Variants in TFEC observed in about 807,000 individuals in gnomAD.
TFEC encodes class E basic helix-loop-helix protein 34.
In TFEC, 31 loss-of-function variants were observed where a neutral mutation model predicts 41.6. That is an observed-to-expected ratio of 0.74 (90% CI 0.56 to 1.01). TFEC has a LOEUF of 1.01. Ranked by LOEUF, TFEC falls within the 50% of genes least tolerant of loss-of-function variation. TFEC has a pLI of 0.00. For synonymous variants in TFEC, 143 were observed against 140.6 expected (o/e 1.02, Z -0.12); for missense variants, 402 against 404.1 (o/e 0.99, Z 0.04).
intron 2 of TFEC, among the ~76,000 whole-genome samples, chr7:115,983,951 T>G (rs1426293588): frequency 6.6e-6 from 1 of 152,134 alleles, no homozygotes; most frequent in Non-Finnish European, 1.5e-5. Context: ...CTGATAAATA[T>G]TTCAACTAAA....
chr7:116,101,350 A>G (rs1193892519), intron 3 of TFEC, among the ~76,000 whole-genome samples: 1 of 152,186 alleles, frequency 6.6e-6, no homozygotes, highest in African/African-American at 2.4e-5. Context: ...AGAGAATCAA[A>G]GAAAGCAAGA....
chr7:116,014,265 T>A (rs148633578), intron 1 of TFEC, among the ~76,000 whole-genome samples: 125 of 152,260 alleles, frequency 8.2e-4, no homozygotes, highest in Non-Finnish European at 1.5e-3. Flanking sequence ...AGAGATAATT[T>A]TAAGAAATGA....
chr7:116,111,080 T>A lies in TFEC; in HGVS notation c.-21-154A>T, dbSNP rs564205128. 8.0e-5 allele frequency among the ~76,000 whole-genome samples: 12 copies of A among 150,908 alleles called. 1 individual carries two copies. In the South Asian group the frequency reaches 2.3e-3, roughly 29 times the overall value. On this transcript the variant is annotated intron_variant, in intron 2 of 8. Transcript: ENST00000484212. ...CTCATTATTTAATGGTTATGGTTCA[T>A]CCATAAAGAGGTAATTCTTAATGTT...
chr7:116,029,518 T>C (rs886305581), intron 1 of TFEC, among the ~76,000 whole-genome samples: 1 of 152,162 alleles, frequency 6.6e-6, no homozygotes, highest in East Asian at 1.9e-4. Flanking sequence ...TATAGTTAAA[T>C]GAAGTTTCTT....
At chr7:116,095,910 A>G (rs904740526) in intron 3 of TFEC, among the ~76,000 whole-genome samples, 4 of 151,944 alleles carry the variant, frequency 2.6e-5, no homozygotes, top group Non-Finnish European at 5.9e-5. Context: ...TTTGCTTATT[A>G]TCCTTCTTTG....
rs1304916715 is a variant in TFEC, at chr7:116,021,236, GCTT to G, written c.-73+9394_-73+9396del. On this transcript the variant is annotated intron_variant, in intron 1 of 7. Transcript: ENST00000265440. ...GGATTTGTTTTTGTTTTCTTTCATA[GCTT>G]CTTCTTAAAAAGCACTACCATTAAA... Among the ~76,000 whole-genome samples, 4 of 152,178 alleles carry G rather than the reference GCTT, an allele frequency of 2.6e-5. No homozygotes were observed. The East Asian group carries it at 7.7e-4, about 29-fold the overall frequency.
At chr7:116,046,177 G>A (rs1325471612) in intron 3 of TFEC, among the ~76,000 whole-genome samples, 3 of 152,136 alleles carry the variant, frequency 2.0e-5, no homozygotes. Context: ...GAGTTTGGGG[G>A]ACTGCTGGGA....
upstream of TFEC, among the ~76,000 whole-genome samples, chr7:116,031,635 T>C (rs1253929355): frequency 2.0e-5 from 3 of 152,192 alleles, no homozygotes; most frequent in Non-Finnish European, 2.9e-5. Flanking sequence ...TGAAGTTTAA[T>C]GTGAAGGTTA....
rs1253028384 is a variant in TFEC, at chr7:115,939,482, G to T, written c.*1069C>A. ...TTCCTCTCAGAACTGAAAATAATAA[G>T]AAATAGTTTGTTGTAATAATTATTT... is the stretch of plus-strand genomic sequence containing the variant. On this transcript the variant is annotated 3_prime_UTR_variant, in exon 8 of 8. Transcript: ENST00000265440. The T allele has an allele frequency of 6.6e-6, 1 of 151,946 alleles. No individual in the cohort carries two copies. Among genetic ancestry groups the T allele is most frequent in the African/African-American group, 2.4e-5 (1 of 41,402 alleles). 9.4% of individuals were successfully genotyped at this position (151,946 alleles called of 1,614,324 possible). A position where few individuals can be genotyped will look rare whatever the true frequency, so the allele number is the denominator to read the frequency against.
In TFEC at chr7:115,941,636, C is replaced by T. The variant is rs1793505613; in HGVS notation, c.663+257G>A. 6.9e-6 allele frequency: 3 copies of T among 437,166 alleles called. No homozygotes were observed. In the South Asian group the frequency reaches 2.1e-4, roughly 30 times the overall value. 27.1% of individuals were successfully genotyped at this position (437,166 alleles called of 1,614,324 possible). A position where few individuals can be genotyped will look rare whatever the true frequency, so the allele number is the denominator to read the frequency against. ...ATGTGTATATATATATACATGCACA[C>T]ATACACACATATATACACATATATG... is the stretch of plus-strand genomic sequence containing the variant. On this transcript the variant is annotated intron_variant, in intron 7 of 7. Transcript: ENST00000265440.
At chr7:115,942,139 A>G in intron 6 of TFEC, 99 bp from the exon 7 acceptor site, 6 of 1,267,428 alleles carry the variant, frequency 4.7e-6, no homozygotes, top group South Asian at 1.8e-5. Context: ...AATGATTTAC[A>G]TGACTATTAT....
intron 3 of TFEC, among the ~76,000 whole-genome samples, chr7:116,103,313 A>G (rs952160099): frequency 7.2e-5 from 11 of 152,172 alleles, no homozygotes; most frequent in Admixed American, 2.0e-4. Flanking sequence ...TCTCTCTGGT[A>G]AGTGTAGTAG....
chr7:116,116,696 T>C (rs1030140308), intron 1 of TFEC, among the ~76,000 whole-genome samples: 1 of 151,948 alleles, frequency 6.6e-6, no homozygotes, highest in Non-Finnish European at 1.5e-5. Context: ...ATTCTATGAA[T>C]GAGCAAATAA....
intron 1 of TFEC, among the ~76,000 whole-genome samples, chr7:116,008,955 G>A (rs1794902754): frequency 6.6e-6 from 1 of 151,964 alleles, no homozygotes; most frequent in Admixed American, 6.6e-5. Flanking sequence ...TTCCAGTGGT[G>A]TGTCTTTGAG....
At chr7:116,138,347 G>A (rs1798474167) in intron 1 of TFEC, among the ~76,000 whole-genome samples, 1 of 151,930 alleles carries the variant, frequency 6.6e-6, no homozygotes, top group African/African-American at 2.4e-5. Context: ...ATCCTGTTTG[G>A]GTATACAGTT....
intron 3 of TFEC, among the ~76,000 whole-genome samples, chr7:116,095,866 C>T (rs552417058): frequency 6.6e-6 from 1 of 152,164 alleles, no homozygotes; most frequent in Admixed American, 6.6e-5. Context: ...CCTCTCTTCC[C>T]TCCTAATCAT....
At chr7:115,987,887 A>T (rs920661775) in intron 1 of TFEC, among the ~76,000 whole-genome samples, 3 of 152,156 alleles carry the variant, frequency 2.0e-5, no homozygotes, top group Non-Finnish European at 4.4e-5. Flanking sequence ...TCAGGATATC[A>T]AAGTATTTGC....
In TFEC at chr7:115,939,611, T is replaced by C. The variant is rs1360194029; in HGVS notation, c.*940A>G. On this transcript the variant is annotated 3_prime_UTR_variant, in exon 8 of 8. Transcript: ENST00000265440. ...ATACTGATGAAAAGTTTTAAGTACC[T>C]GAAAACTGTCCTTGCAGGGGGACAT... 6.6e-6 allele frequency: 1 copy of C among 152,074 alleles called. No individual in the cohort carries two copies. The highest frequency in any genetic ancestry group is 2.4e-5 in the African/African-American group (1 of 41,440). The allele number at this position is 152,074 out of a possible 1,614,324, so 9.4% of individuals were successfully genotyped here.
chr7:116,113,438 GA>G (rs1236992499), intron 1 of TFEC, among the ~76,000 whole-genome samples: 1 of 151,916 alleles, frequency 6.6e-6, no homozygotes, highest in South Asian at 2.1e-4. Flanking sequence ...TCTCAAGAAG[GA>G]ACCACTCCTG....
Sources: gnomAD v4.1 joint callset for allele counts (sites outside exome capture counted in the v4.1 genomes callset) on GRCh38, gnomAD v4.1.1 for gene constraint, MANE v1.5 for transcripts, NCBI Gene and HGNC (gene_info 2026-07-23, HGNC 2026-07-21) for gene names.